The following SPECC1 variants were observed in gnomAD, a reference collection of about 807,000 sequenced individuals.
The protein encoded by SPECC1 is sperm antigen with calponin homology and coiled-coil domains 1.
A neutral mutation model predicts 104.1 loss-of-function variants in SPECC1; 62 were observed. The observed-to-expected ratio is 0.60, with a 90% confidence interval of 0.49 to 0.74. The LOEUF is 0.74. Among genes scored for constraint, SPECC1 ranks in the 30% least tolerant of loss-of-function variants. The probability of loss-of-function intolerance (pLI) is 0.00; values close to 1 mark genes in which losing one functional copy is unlikely to be tolerated. For synonymous variants in SPECC1, 513 were observed against 501.6 expected (o/e 1.02, Z -0.30); for missense variants, 1,306 against 1,310.5 (o/e 1.00, Z 0.05).
At chr17:20,026,156 C>A (rs2044591588) in intron 1 of SPECC1, among the ~76,000 whole-genome samples, 1 of 151,198 alleles carries the variant, frequency 6.6e-6, no homozygotes, top group Non-Finnish European at 1.5e-5. Flanking sequence ...TTTATTTCTT[C>A]CATTATGTGG....
intron 3 of SPECC1, chr17:20,155,941 T>TG: frequency 8.1e-7 from 1 of 1,228,810 alleles, no homozygotes; most frequent in Non-Finnish European, 1.0e-6. Context: ...GCAGTTGAGG[T>TG]GGTCCGGCAG....
chr17:20,042,734 G>T (rs1471163330), intron 1 of SPECC1, among the ~76,000 whole-genome samples: 1 of 152,096 alleles, frequency 6.6e-6, no homozygotes, highest in Non-Finnish European at 1.5e-5. Context: ...CTTTTCTTGG[G>T]GCTTTTCAAT....
chr17:20,159,066 T>A (rs2032889518), intron 3 of SPECC1, among the ~76,000 whole-genome samples: 1 of 152,010 alleles, frequency 6.6e-6, no homozygotes, highest in Admixed American at 6.6e-5. Flanking sequence ...AAAGCGATCC[T>A]CCCGAGTAGC....
chr17:20,094,139 AGCCGAAGAT>A (rs1430483218), intron 1 of SPECC1, among the ~76,000 whole-genome samples: 2 of 152,168 alleles, frequency 1.3e-5, no homozygotes, highest in Admixed American at 6.6e-5. Flanking sequence ...ATGGGAATGA[AGCCGAAGAT>A]GCTCAGGAAA....
chr17:20,268,032 T>C (rs951187896), intron 12 of SPECC1, among the ~76,000 whole-genome samples: 1 of 152,234 alleles, frequency 6.6e-6, no homozygotes, highest in African/African-American at 2.4e-5. Flanking sequence ...GGCATGAAGA[T>C]ACTTGCAAGT....
chr17:20,159,734 T>A (rs1353276321), intron 3 of SPECC1, among the ~76,000 whole-genome samples: 2 of 152,234 alleles, frequency 1.3e-5, no homozygotes, highest in African/African-American at 4.8e-5. Context: ...AAATTTCATG[T>A]CTGAAATTTT....
intron 1 of SPECC1, among the ~76,000 whole-genome samples, chr17:20,066,833 G>T (rs2046373301): frequency 6.6e-6 from 1 of 151,838 alleles, no homozygotes; most frequent in African/African-American, 2.4e-5. Flanking sequence ...CAACCTCCTG[G>T]GCTCAAGCAG....
At chr17:20,122,878 C>T (rs1169360451) in intron 3 of SPECC1, among the ~76,000 whole-genome samples, 1 of 152,196 alleles carries the variant, frequency 6.6e-6, no homozygotes, top group East Asian at 1.9e-4. Flanking sequence ...TATCCATTCA[C>T]CTGTTGAAGG....
At position 20,205,704 on chromosome 17, in the gene SPECC1, G is replaced by A. The variant is rs1354104771; in HGVS notation, c.1655G>A (p.Gly552Glu). The change falls in exon 4 of 15, where the codon GGA (glycine) becomes GAA (glutamate). Residue 552 changes from glycine (G) to glutamate (E), a missense_variant. Physicochemically the swap from Gly to Glu is moderately conservative, Grantham distance 98 (BLOSUM62 -2). Transcript: ENST00000395527. The stretch of plus-strand genomic sequence containing the variant: ...TTGGAAGGGCTAAAAATGGAGAATG[G>A]ATCTTTGAAGTCTCATTTGCAGGGT... ...VTLEGLKMEN[G>E]SLKSHLQGEK... 1.9e-6 allele frequency: 3 copies of A among 1,614,196 alleles called. No individual in the cohort carries two copies. Among genetic ancestry groups the A allele is most frequent in the African/African-American group, 2.7e-5 (2 of 75,048 alleles).
At chr17:20,160,927 T>C (rs1447542626) in intron 3 of SPECC1, among the ~76,000 whole-genome samples, 1 of 152,246 alleles carries the variant, frequency 6.6e-6, no homozygotes, top group African/African-American at 2.4e-5. Context: ...AGTATAAAAA[T>C]GCTAGTGGTA....
chr17:20,211,056 G>A (rs1210555590), intron 4 of SPECC1, among the ~76,000 whole-genome samples: 1 of 152,130 alleles, frequency 6.6e-6, no homozygotes, highest in African/African-American at 2.4e-5. Context: ...TGACATTATT[G>A]TCACTCAGCC....
chr17:20,270,103 G>A (rs1216255894), intron 12 of SPECC1, among the ~76,000 whole-genome samples: 2 of 152,070 alleles, frequency 1.3e-5, no homozygotes, highest in African/African-American at 4.8e-5. Context: ...CAGAGGCTGA[G>A]GAGAGAGGGC....
chr17:20,152,639 T>C (rs2032113607), intron 3 of SPECC1, among the ~76,000 whole-genome samples: 2 of 152,240 alleles, frequency 1.3e-5, no homozygotes, highest in South Asian at 4.1e-4. Context: ...GAGAGAAAGA[T>C]CTCTTCCTCT....
chr17:20,222,008 T>C (rs557318005), intron 4 of SPECC1, among the ~76,000 whole-genome samples: 1 of 148,288 alleles, frequency 6.7e-6, no homozygotes, highest in African/African-American at 2.5e-5. Flanking sequence ...ATACCTGATA[T>C]GATTTCAGTT....
chr17:20,314,411 G>C lies in SPECC1; in HGVS notation c.*346G>C. The C allele has an allele frequency of 3.2e-6, 1 of 315,656 alleles. No homozygotes were observed. The highest frequency in any genetic ancestry group is 6.1e-6 in the Non-Finnish European group (1 of 164,438). 19.6% of individuals were successfully genotyped at this position (315,656 alleles called of 1,614,324 possible). On this transcript the variant is annotated 3_prime_UTR_variant, in exon 15 of 15. Coordinates refer to ENST00000395527, the MANE Select transcript of SPECC1 (RefSeq NM_001243439.2). ...CGAACACATTATCTGCAGAAATTCA[G>C]ACAAAGAACATCTCCAAATCAGTCT...
chr17:20,234,633 C>G (rs575118027), intron 7 of SPECC1, among the ~76,000 whole-genome samples: 6 of 152,208 alleles, frequency 3.9e-5, no homozygotes, highest in African/African-American at 1.4e-4. Flanking sequence ...TCAGCCACAG[C>G]CAAAGAACTT....
intron 12 of SPECC1, among the ~76,000 whole-genome samples, chr17:20,263,668 G>GCTGT (rs2040112820): frequency 6.6e-6 from 1 of 152,168 alleles, no homozygotes; most frequent in South Asian, 2.1e-4. Context: ...TTTAAAAAGA[G>GCTGT]CTGTCATTCA....
At chr17:20,200,933 T>C (rs1001284816) in intron 3 of SPECC1, among the ~76,000 whole-genome samples, 4 of 151,170 alleles carry the variant, frequency 2.6e-5, no homozygotes, top group Non-Finnish European at 5.9e-5. Context: ...AACAAAAATA[T>C]GGCTGGATTG....
intron 3 of SPECC1, among the ~76,000 whole-genome samples, chr17:20,167,422 G>A (rs1010435615): frequency 6.6e-6 from 1 of 152,088 alleles, no homozygotes; most frequent in Non-Finnish European, 1.5e-5. Flanking sequence ...CTCACGGCCT[G>A]TAATCCTAGC....
Sources: allele counts gnomAD v4.1 joint callset (sites outside exome capture counted in the v4.1 genomes callset), GRCh38; gene constraint gnomAD v4.1.1; transcripts MANE v1.5; gene names NCBI Gene and HGNC (gene_info 2026-07-23, HGNC 2026-07-21).